Variants in GABRB1 observed in about 807,000 individuals in gnomAD.
GABRB1 encodes the protein gamma-aminobutyric acid type A receptor subunit beta1.
In GABRB1, 17 loss-of-function variants were observed where a neutral mutation model predicts 51.6. The ratio of observed to expected loss-of-function variants is 0.33; its 90% CI spans 0.23 to 0.49. The LOEUF (loss-of-function observed/expected upper bound fraction) is 0.49. GABRB1 is among the 20% of genes least tolerant of loss of function. The probability of loss-of-function intolerance (pLI) is 0.99; values close to 1 mark genes in which losing one functional copy is unlikely to be tolerated. For missense variants in GABRB1, 410 were observed against 600.6 expected, an observed-to-expected ratio of 0.68 and a Z score of 3.32; for synonymous variants, 247 against 218.9, an observed-to-expected ratio of 1.13 and a Z score of -1.14.
intron 3 of GABRB1, among the ~76,000 whole-genome samples, chr4:47,149,485 G>A (rs1438303503): frequency 6.6e-6 from 1 of 151,926 alleles, no homozygotes; most frequent in Non-Finnish European, 1.5e-5. Context: ...TACAATCATA[G>A]GACTAATAAG....
At chr4:47,043,915 G>C (rs1725969620) in intron 3 of GABRB1, among the ~76,000 whole-genome samples, 1 of 152,090 alleles carries the variant, frequency 6.6e-6, no homozygotes, top group African/African-American at 2.4e-5. Context: ...GTGAATGAAT[G>C]GTTGCATGAG....
At chr4:47,159,368 G>A (rs1418864242) in intron 3 of GABRB1, among the ~76,000 whole-genome samples, 1 of 152,086 alleles carries the variant, frequency 6.6e-6, no homozygotes, top group South Asian at 2.1e-4. Flanking sequence ...ACATGTGGTA[G>A]AGCTTAAAAT....
intron 4 of GABRB1, among the ~76,000 whole-genome samples, chr4:47,219,413 T>G (rs1290999288): frequency 6.6e-6 from 1 of 151,880 alleles, no homozygotes; most frequent in Non-Finnish European, 1.5e-5. Flanking sequence ...ATGTTAAATA[T>G]AAAGCACTAA....
intron 5 of GABRB1, among the ~76,000 whole-genome samples, chr4:47,376,754 T>C (rs979327123): frequency 6.7e-6 from 1 of 149,784 alleles, no homozygotes; most frequent in Non-Finnish European, 1.5e-5. Context: ...TGAAAGGAAA[T>C]GGAAGGAAAT....
chr4:47,400,677 T>C (rs765665833), intron 5 of GABRB1, among the ~76,000 whole-genome samples: 4 of 152,162 alleles, frequency 2.6e-5, no homozygotes, highest in Non-Finnish European at 4.4e-5. Flanking sequence ...ACCCAAATAG[T>C]GTACATTGTA....
intron 4 of GABRB1, among the ~76,000 whole-genome samples, chr4:47,283,619 A>G (rs1290810395): frequency 6.6e-6 from 1 of 150,960 alleles, no homozygotes; most frequent in African/African-American, 2.4e-5. Flanking sequence ...CCATCTCCTG[A>G]CCTCGTGATC....
In GABRB1 at chr4:47,031,924, C is replaced by T. The variant is rs772220562; in HGVS notation, c.91C>T (p.Pro31Ser). 1 of 1,613,712 alleles carries T rather than the reference C, an allele frequency of 6.2e-7. No homozygotes were observed. ...MVCCAHSTNE[P>S]SNMSYVKETV... is the part of the protein sequence containing the mutation. ...ACTTCTTCCCCTTAGCACCAATGAA[C>T]CCAGCAACATGTCATACGTGAAAGA... is the stretch of plus-strand genomic sequence containing the variant. The change falls in exon 2 of 9, where the codon CCC (proline) becomes TCC (serine). Residue 31 changes from proline (P) to serine (S), a missense_variant. Physicochemically the swap from Pro to Ser is moderately conservative, Grantham distance 74 (BLOSUM62 -1). Transcript: ENST00000295454.
At chr4:47,071,884 A>G (rs1279256325) in intron 3 of GABRB1, among the ~76,000 whole-genome samples, 1 of 152,096 alleles carries the variant, frequency 6.6e-6, no homozygotes, top group South Asian at 2.1e-4. Context: ...AAAGCATAGA[A>G]AGCATGTTCT....
At chr4:47,192,567 A>G (rs1487642452) in intron 4 of GABRB1, among the ~76,000 whole-genome samples, 1 of 152,200 alleles carries the variant, frequency 6.6e-6, no homozygotes, top group Non-Finnish European at 1.5e-5. Context: ...CAAAAAATAT[A>G]TAGTAGTTTT....
At chr4:47,164,674 G>T (rs765314353) in intron 4 of GABRB1, among the ~76,000 whole-genome samples, 7 of 151,964 alleles carry the variant, frequency 4.6e-5, no homozygotes, top group South Asian at 4.1e-4. Context: ...ATTCAAACTC[G>T]GTAAGCTCAA....
At position 47,272,269 on chromosome 4, in the gene GABRB1, G is replaced by A. The variant is rs549112390; in HGVS notation, c.462-47858G>A. Among the ~76,000 whole-genome samples the A allele has an allele frequency of 7.0e-4, 106 of 152,282 alleles. 2 individuals are homozygous for A. Among genetic ancestry groups the A allele is most frequent in the Non-Finnish European group, 1.4e-3 (93 of 68,002 alleles). On this transcript the variant is annotated intron_variant, in intron 4 of 8. Transcript: ENST00000295454. ...CTTCAACTATGTCTTTGTATGTGCA[G>A]ATCATTCTCTGAAACACTGGGAATC...
chr4:47,384,570 A>T (rs1345941462), intron 5 of GABRB1, among the ~76,000 whole-genome samples: 2 of 152,210 alleles, frequency 1.3e-5, no homozygotes, highest in East Asian at 3.8e-4. Flanking sequence ...TCCCACATTG[A>T]GGATATAAGG....
chr4:47,269,935 T>TACACACACACACACACACACACAC (rs10639386), intron 4 of GABRB1, among the ~76,000 whole-genome samples: 1 of 135,970 alleles, frequency 7.4e-6, no homozygotes, highest in African/African-American at 2.8e-5. Flanking sequence ...CAACTCTCCC[T>TACACACACACACACACACACACAC]ACACACACAC....
intron 4 of GABRB1, among the ~76,000 whole-genome samples, chr4:47,204,063 A>T (rs1174461764): frequency 6.6e-6 from 1 of 152,132 alleles, no homozygotes; most frequent in African/African-American, 2.4e-5. Flanking sequence ...TAAAAAACTG[A>T]ATTTGGCCTT....
intron 4 of GABRB1, among the ~76,000 whole-genome samples, chr4:47,195,225 G>A (rs1719600157): frequency 6.6e-6 from 1 of 152,088 alleles, no homozygotes; most frequent in Non-Finnish European, 1.5e-5. Context: ...AAATTAGCCG[G>A]GCATTGTGGC....
At chr4:47,037,536 TTG>T in intron 3 of GABRB1, among the ~76,000 whole-genome samples, 3 of 115,060 alleles carry the variant, frequency 2.6e-5, no homozygotes, top group African/African-American at 9.7e-5. Flanking sequence ...TCGTTTTTTT[TTG>T]TTGTTGTTGT....
intron 3 of GABRB1, among the ~76,000 whole-genome samples, chr4:47,119,726 C>G (rs1577924238): frequency 6.6e-6 from 1 of 152,058 alleles, no homozygotes; most frequent in African/African-American, 2.4e-5. Context: ...TCAGGCTGGT[C>G]TTGAACTCCC....
intron 3 of GABRB1, among the ~76,000 whole-genome samples, chr4:47,060,408 T>A (rs968977040): frequency 2.6e-5 from 4 of 152,092 alleles, no homozygotes; most frequent in African/African-American, 9.7e-5. Flanking sequence ...CTTTCCAGGG[T>A]ATTGCCCCAT....
At chr4:47,420,554 G>T (rs1397158369) in intron 8 of GABRB1, among the ~76,000 whole-genome samples, 1 of 152,166 alleles carries the variant, frequency 6.6e-6, no homozygotes, top group African/African-American at 2.4e-5. Context: ...AATCTGGATT[G>T]TGCTCAACTC....
Sources: gnomAD v4.1 joint callset for allele counts (sites outside exome capture counted in the v4.1 genomes callset) on GRCh38, gnomAD v4.1.1 for gene constraint, MANE v1.5 for transcripts, NCBI Gene and HGNC (gene_info 2026-07-23, HGNC 2026-07-21) for gene names.